DLG2: variants seen among roughly 807,000 people sequenced by gnomAD.
DLG2 encodes the protein discs large MAGUK scaffold protein 2.
A neutral mutation model predicts 132.5 loss-of-function variants in DLG2; 45 were observed. The ratio of observed to expected loss-of-function variants is 0.34; its 90% CI spans 0.27 to 0.44. DLG2 has a LOEUF of 0.44. DLG2 is among the 20% of genes least tolerant of loss of function. The probability of loss-of-function intolerance (pLI) is 1.00; values close to 1 mark genes in which losing one functional copy is unlikely to be tolerated. For missense variants in DLG2, 1,045 were observed against 1,196.9 expected (o/e 0.87, Z 1.87); for synonymous variants, 424 against 419.6 (o/e 1.01, Z -0.13).
At chr11:84,082,823 A>G (rs2096923679) in intron 10 of DLG2, among the ~76,000 whole-genome samples, 2 of 152,202 alleles carry the variant, frequency 1.3e-5, no homozygotes, top group East Asian at 1.9e-4. Context: ...GGTAGCTATC[A>G]TTAGTTCTAA....
At chr11:83,605,428 T>A (rs184436085) in intron 19 of DLG2, among the ~76,000 whole-genome samples, 75 of 152,314 alleles carry the variant, frequency 4.9e-4, no homozygotes, top group Admixed American at 1.3e-3. Flanking sequence ...TAAACATAAA[T>A]GTCCCAACTA....
chr11:84,305,836 T>C (rs1442815781), intron 7 of DLG2, among the ~76,000 whole-genome samples: 1 of 152,172 alleles, frequency 6.6e-6, no homozygotes, highest in Admixed American at 6.5e-5. Context: ...AACAGAAAAC[T>C]CTAAAACAGA....
intron 6 of DLG2, among the ~76,000 whole-genome samples, chr11:84,644,502 C>G (rs1008524280): frequency 6.6e-6 from 1 of 151,756 alleles, no homozygotes; most frequent in African/African-American, 2.4e-5. Context: ...GTCAGGAGAT[C>G]GAGACCATCC....
chr11:84,177,158 A>T (rs2154276372), intron 8 of DLG2, among the ~76,000 whole-genome samples: 1 of 151,900 alleles, frequency 6.6e-6, no homozygotes, highest in Non-Finnish European at 1.5e-5. Flanking sequence ...TTTTCATTAT[A>T]CTCTTTGTTT....
chr11:85,561,097 T>C (rs1295618808), intron 3 of DLG2, among the ~76,000 whole-genome samples: 1 of 151,112 alleles, frequency 6.6e-6, no homozygotes, highest in Non-Finnish European at 1.5e-5. Context: ...GGCTCAAGCC[T>C]GTAATCCCAG....
At chr11:85,519,433 C>A (rs2074097092) in intron 3 of DLG2, among the ~76,000 whole-genome samples, 1 of 152,186 alleles carries the variant, frequency 6.6e-6, no homozygotes, top group Non-Finnish European at 1.5e-5. Flanking sequence ...TTCGGACTTG[C>A]ATGGGGCCTG....
At chr11:83,505,226 C>T (rs1031406523) in intron 21 of DLG2, among the ~76,000 whole-genome samples, 3 of 152,206 alleles carry the variant, frequency 2.0e-5, no homozygotes, top group Admixed American at 2.0e-4. Context: ...CACCAGGTAG[C>T]TGGCTGATCA....
intron 7 of DLG2, among the ~76,000 whole-genome samples, chr11:84,282,308 T>A (rs1278950790): frequency 6.6e-6 from 1 of 152,132 alleles, no homozygotes; most frequent in African/African-American, 2.4e-5. Context: ...AAATGCAAGT[T>A]AATGTATAAA....
intron 11 of DLG2, among the ~76,000 whole-genome samples, chr11:83,994,810 G>T (rs1164178030): frequency 6.6e-6 from 1 of 152,100 alleles, no homozygotes; most frequent in Non-Finnish European, 1.5e-5. Context: ...CATTAGCAGG[G>T]TTGAGTCCTC....
intron 4 of DLG2, among the ~76,000 whole-genome samples, chr11:85,187,551 T>C (rs1435721123): frequency 6.6e-6 from 1 of 152,154 alleles, no homozygotes; most frequent in Non-Finnish European, 1.5e-5. Context: ...AATAACAATT[T>C]CAGGACTCTG....
intron 5 of DLG2, among the ~76,000 whole-genome samples, chr11:85,145,061 C>T (rs925730502): frequency 4.6e-5 from 7 of 152,034 alleles, no homozygotes; most frequent in Non-Finnish European, 8.8e-5. Context: ...ATTTTTCCTT[C>T]ATGTTTGAAG....
At chr11:83,715,839 T>C (rs1283694091) in intron 18 of DLG2, among the ~76,000 whole-genome samples, 2 of 152,184 alleles carry the variant, frequency 1.3e-5, no homozygotes, top group Non-Finnish European at 2.9e-5. Context: ...CTGTTCCTTC[T>C]CCTTTCCACT....
intron 19 of DLG2, among the ~76,000 whole-genome samples, chr11:83,621,283 T>G (rs1161547227): frequency 6.6e-6 from 1 of 152,128 alleles, no homozygotes; most frequent in African/African-American, 2.4e-5. Context: ...TTCTTAATTG[T>G]AATGTTGCCA....
chr11:84,645,151 TGAAG>T (rs1371555632), intron 6 of DLG2, among the ~76,000 whole-genome samples: 1 of 152,206 alleles, frequency 6.6e-6, no homozygotes, highest in African/African-American at 2.4e-5. Context: ...GAACTGGTTA[TGAAG>T]GGAGACAGGC....
chr11:85,356,819 GATAGATA>G (rs1189145183), intron 3 of DLG2, among the ~76,000 whole-genome samples: 29 of 142,272 alleles, frequency 2.0e-4, no homozygotes, highest in Admixed American at 3.4e-4. Context: ...TAGATAGATA[GATAGATA>G]GAGATGATAG....
chr11:85,369,114 GT>G (rs1441026347), intron 3 of DLG2, among the ~76,000 whole-genome samples: 1 of 152,118 alleles, frequency 6.6e-6, no homozygotes, highest in Non-Finnish European at 1.5e-5. Flanking sequence ...ACTACTGAGG[GT>G]GGGGGAAACA....
At chr11:85,299,393 G>A (rs2079444907) in intron 3 of DLG2, among the ~76,000 whole-genome samples, 1 of 152,104 alleles carries the variant, frequency 6.6e-6, no homozygotes, top group Admixed American at 6.6e-5. Context: ...CAGGGATTTT[G>A]TTTGTTCATC....
chr11:83,963,085 T>C, intron 13 of DLG2, 62 bp from the exon 14 acceptor site: 1 of 1,540,644 alleles, frequency 6.5e-7, no homozygotes, highest in Non-Finnish European at 8.9e-7. Flanking sequence ...TGTGTCATGC[T>C]ATACTTCAGA....
intron 7 of DLG2, among the ~76,000 whole-genome samples, chr11:84,495,505 G>T (rs1006188993): frequency 7.2e-5 from 11 of 151,958 alleles, no homozygotes; most frequent in Non-Finnish European, 1.3e-4. Context: ...AAAGGACTGG[G>T]TCTTATTCAT....
Sources: allele counts gnomAD v4.1 joint callset (sites outside exome capture counted in the v4.1 genomes callset), GRCh38; gene constraint gnomAD v4.1.1; transcripts MANE v1.5; gene names NCBI Gene and HGNC (gene_info 2026-07-23, HGNC 2026-07-21).